Variants in RECK observed in about 807,000 individuals in gnomAD.
The protein encoded by RECK is reversion inducing cysteine rich protein with kazal motifs, also known as reversion-inducing cysteine-rich protein with Kazal motifs.
RECK carries 69 observed loss-of-function variants against 115.1 expected under a neutral mutation model. The ratio of observed to expected loss-of-function variants is 0.60; its 90% CI spans 0.49 to 0.73. The LOEUF is 0.73. Ranked by LOEUF, RECK falls within the 30% of genes least tolerant of loss-of-function variation. RECK has a pLI of 0.00. For synonymous variants in RECK, 414 were observed against 419.7 expected (o/e 0.99, Z 0.17); for missense variants, 1,047 against 1,203.7 (o/e 0.87, Z 1.93).
chr9:36,104,275 C>CGTGT (rs1303504828), intron 12 of RECK, among the ~76,000 whole-genome samples: 1 of 76,184 alleles, frequency 1.3e-5, no homozygotes, highest in African/African-American at 4.6e-5. Context: ...ACATACATAG[C>CGTGT]ATGTGTGTGT....
intron 9 of RECK, among the ~76,000 whole-genome samples, 158 bp downstream of exon 9, chr9:36,088,119 T>C (rs1467547482): frequency 6.6e-6 from 1 of 152,200 alleles, no homozygotes; most frequent in Admixed American, 6.5e-5. Flanking sequence ...TATTGAGCAT[T>C]GTGTACCGTA....
chr9:36,114,159 C>T (rs1317121927), intron 16 of RECK, among the ~76,000 whole-genome samples: 1 of 152,220 alleles, frequency 6.6e-6, no homozygotes, highest in East Asian at 1.9e-4. Flanking sequence ...AAGTAACATT[C>T]ATCACTACTT....
In RECK at chr9:36,122,913, C is replaced by T; in HGVS notation, c.2784C>T (p.Ala928=). ...TGGCGTCCCATGTCCCTCTCTCTGCCCTCATCATTTCCCAGGTACAGGTCT... is the reference window on the plus strand; with the variant it reads ...TGGCGTCCCATGTCCCTCTCTCTGCTCTCATCATTTCCCAGGTACAGGTCT... The part of the protein sequence containing the change: ...PTLASHVPLS[A]LIISQVQVSS... The change falls in exon 21 of 21, where the codon GCC becomes GCT. Residue 928 remains alanine (A), a synonymous_variant. Transcript: ENST00000377966. The T allele has an allele frequency of 6.2e-7, 1 of 1,614,194 alleles. No homozygotes were observed. The highest frequency in any genetic ancestry group is 8.5e-7 in the Non-Finnish European group (1 of 1,180,030).
intron 9 of RECK, 103 bp from the exon 10 acceptor site, chr9:36,091,061 C>T (rs1034028854): frequency 4.0e-6 from 4 of 989,660 alleles, no homozygotes; most frequent in East Asian, 2.9e-5. Context: ...TTTTTTCTCA[C>T]ATACGTTCCA....
At position 36,117,067 on chromosome 9, in the gene RECK, G is replaced by A. The variant is rs142114378; in HGVS notation, c.2143G>A (p.Ala715Thr). ...GTATGAGTGTGTACCAAGACAGCTC[G>A]CGTGTGACCAGGTCCAAGATCCTGT... is the stretch of plus-strand genomic sequence containing the variant. ...SQYECVPRQLACDQVQDPVCD... is the reference protein window; with the variant it reads ...SQYECVPRQLTCDQVQDPVCD... The change falls in exon 17 of 21, where the codon GCG becomes ACG. Residue 715 changes from alanine to threonine, a missense_variant. Coordinates refer to ENST00000377966, the MANE Select transcript of RECK (RefSeq NM_021111.3). The A allele has an allele frequency of 6.3e-5, 102 of 1,613,974 alleles. No homozygotes were observed. The highest frequency in any genetic ancestry group is 1.6e-4 in the Middle Eastern group (1 of 6,084).
intron 13 of RECK, among the ~76,000 whole-genome samples, chr9:36,106,448 G>A (rs1823822725): frequency 6.6e-6 from 1 of 151,438 alleles, no homozygotes; most frequent in African/African-American, 2.4e-5. Flanking sequence ...ATGTTGTCCA[G>A]GCTGGTTTTG....
chr9:36,062,474 G>C (rs760732420), intron 4 of RECK, among the ~76,000 whole-genome samples: 2 of 149,968 alleles, frequency 1.3e-5, no homozygotes, highest in Non-Finnish European at 3.0e-5. Context: ...TGTTGTTGTT[G>C]TTGTTTTGGT....
At chr9:36,068,047 T>C (rs1479607037) in intron 6 of RECK, among the ~76,000 whole-genome samples, 1 of 152,196 alleles carries the variant, frequency 6.6e-6, no homozygotes, top group Non-Finnish European at 1.5e-5. Context: ...CCTAAAAAGA[T>C]AGCATTTTGA....
intron 10 of RECK, among the ~76,000 whole-genome samples, chr9:36,099,073 A>C (rs1459713873): frequency 6.6e-6 from 1 of 152,146 alleles, no homozygotes. Flanking sequence ...AGAAAATACA[A>C]AAATTAACCA....
At chr9:36,041,763 T>A (rs1820874565) in intron 1 of RECK, among the ~76,000 whole-genome samples, 1 of 141,186 alleles carries the variant, frequency 7.1e-6, no homozygotes, top group Admixed American at 7.2e-5. Flanking sequence ...TCTCCCTCAA[T>A]CAGCTTCCTT....
rs1307175560 is a variant in RECK, at chr9:36,036,994, C to T, written c.-5C>T. The T allele has an allele frequency of 4.9e-6, 7 of 1,425,314 alleles. No homozygotes were observed. The highest frequency in any genetic ancestry group is 6.4e-6 in the Non-Finnish European group (7 of 1,087,736). The allele number at this position is 1,425,314 out of a possible 1,614,324, so 88.3% of individuals were successfully genotyped here. On this transcript the variant is annotated 5_prime_UTR_variant, in exon 1 of 21. Coordinates refer to ENST00000377966, the MANE Select transcript of RECK (RefSeq NM_021111.3). ...CCCGCGGCTCTGGAGCCGCCCGGCCCGGACATGGCGACCGTCCGGGCCTCT... is the reference window on the plus strand; with the variant it reads ...CCCGCGGCTCTGGAGCCGCCCGGCCTGGACATGGCGACCGTCCGGGCCTCT...
chr9:36,063,718 T>G, intron 4 of RECK, 77 bp from the exon 5 acceptor site: 1 of 1,343,474 alleles, frequency 7.4e-7, no homozygotes. Flanking sequence ...CTTTTAGTAG[T>G]AGCCTTGAAA....
rs200609308 is a variant in RECK at position 36,085,086 on chromosome 9, C to CA, written c.637+1533dup. On this transcript the variant is annotated intron_variant, in intron 8 of 20. Coordinates refer to ENST00000377966, the MANE Select transcript of RECK (RefSeq NM_021111.3). The stretch of plus-strand genomic sequence containing the variant: ...ATAGTGAAGTCCAAGATGTATTAAG[C>CA]AAAAAAAAAGTAAATCACAGAACTA... 581 of 156,680 alleles carry CA rather than the reference C, an allele frequency of 3.7e-3. 5 individuals are homozygous for CA. The highest frequency in any genetic ancestry group is 0.013 in the African/African-American group (527 of 40,524). 9.7% of individuals were successfully genotyped at this position (156,680 alleles called of 1,614,324 possible).
chr9:36,098,305 T>C (rs1480373709), intron 10 of RECK, among the ~76,000 whole-genome samples: 2 of 152,230 alleles, frequency 1.3e-5, no homozygotes, highest in African/African-American at 4.8e-5. Flanking sequence ...CATGTTTAAA[T>C]ATATTACGTT....
chr9:36,088,198 G>A lies in RECK; in HGVS notation c.905+237G>A, dbSNP rs558579465. On this transcript the variant is annotated intron_variant, in intron 9 of 20. Transcript: ENST00000377966. ...TTTGGGGTGTGGAGGATTAGCATTGGCAGGGTAGTAAATATTTAAGATGAT... is the reference window on the plus strand; with the variant it reads ...TTTGGGGTGTGGAGGATTAGCATTGACAGGGTAGTAAATATTTAAGATGAT... Among the ~76,000 whole-genome samples, 4 of 152,288 alleles carry A rather than the reference G, an allele frequency of 2.6e-5. No individual in the cohort carries two copies. In the South Asian group the frequency reaches 8.3e-4, roughly 32 times the overall value.
Position 36,101,216 on chromosome 9 carries a change from G to C in RECK, c.1298+673G>C, listed in dbSNP as rs1823555798. Among the ~76,000 whole-genome samples the C allele has an allele frequency of 2.6e-5, 4 of 152,106 alleles. No homozygotes were observed. The South Asian group carries it at 8.3e-4, about 32-fold the overall frequency. On this transcript the variant is annotated intron_variant, in intron 11 of 20. Coordinates refer to ENST00000377966, the MANE Select transcript of RECK (RefSeq NM_021111.3). ...TCCACCCGCCTCGGCCTCCCTAAGTGCTGGGATTACAGGCCTGAGCCACTG... is the reference window on the plus strand; with the variant it reads ...TCCACCCGCCTCGGCCTCCCTAAGTCCTGGGATTACAGGCCTGAGCCACTG...
chr9:36,104,292 G>GTATATA (rs11273343), intron 12 of RECK, among the ~76,000 whole-genome samples: 544 of 43,714 alleles, frequency 0.012, 7 homozygotes, highest in Non-Finnish European at 0.015. Context: ...GTGTGTGTGT[G>GTATATA]TATATATATA....
intron 6 of RECK, among the ~76,000 whole-genome samples, chr9:36,079,795 G>A (rs779371594): frequency 4.6e-5 from 7 of 152,158 alleles, no homozygotes; most frequent in Non-Finnish European, 8.8e-5. Flanking sequence ...ATTCATAGCT[G>A]ACAAGCCCTA....
At chr9:36,097,335 A>G (rs1297939573) in intron 10 of RECK, among the ~76,000 whole-genome samples, 1 of 151,800 alleles carries the variant, frequency 6.6e-6, no homozygotes, top group Non-Finnish European at 1.5e-5. Context: ...CTCAAAAAAA[A>G]AAAAAAAAAG....
Sources: gnomAD v4.1 joint callset for allele counts (sites outside exome capture counted in the v4.1 genomes callset) on GRCh38, gnomAD v4.1.1 for gene constraint, MANE v1.5 for transcripts, NCBI Gene and HGNC (gene_info 2026-07-23, HGNC 2026-07-21) for gene names.